C10orf143: variants seen among roughly 807,000 people sequenced by gnomAD.
The protein encoded by C10orf143 is uncharacterized protein C10orf143.
Position 130,110,820 on chromosome 10 carries a change from C to G in C10orf143, c.-48G>C, listed in dbSNP as rs1398872620. 7 of 398,856 alleles carry G rather than the reference C, an allele frequency of 1.8e-5. No homozygotes were observed. The highest frequency in any genetic ancestry group is 1.4e-4 in the African/African-American group (7 of 48,742). 24.7% of individuals were successfully genotyped at this position (398,856 alleles called of 1,614,324 possible). On this transcript the variant is annotated 5_prime_UTR_variant, in exon 1 of 4. Coordinates refer to ENST00000637128, the MANE Select transcript of C10orf143 (RefSeq NM_001355042.2). The stretch of plus-strand genomic sequence containing the variant: ...CCGGCATCTCAGGCCTGGCCGAGGC[C>G]CGCGCACCACGCCCCCTTCCGCACA...
chr10:130,045,317 A>C (rs936122576), intron 3 of C10orf143, among the ~76,000 whole-genome samples: 5 of 152,182 alleles, frequency 3.3e-5, no homozygotes, highest in Non-Finnish European at 7.3e-5. Context: ...CCTGAAATGC[A>C]TTTCCTTCCC....
At chr10:130,076,704 T>C (rs1861123832) in intron 3 of C10orf143, among the ~76,000 whole-genome samples, 1 of 152,192 alleles carries the variant, frequency 6.6e-6, no homozygotes, top group Admixed American at 6.5e-5. Context: ...CCCCTAAGGT[T>C]TCATTTAATT....
At chr10:130,084,512 G>A (rs1267262953) in intron 1 of C10orf143, among the ~76,000 whole-genome samples, 1 of 152,152 alleles carries the variant, frequency 6.6e-6, no homozygotes, top group Non-Finnish European at 1.5e-5. Flanking sequence ...CACTGTTTAA[G>A]AAATAAGCTA....
chr10:130,086,101 G>A (rs139630313), intron 1 of C10orf143, among the ~76,000 whole-genome samples: 1 of 152,148 alleles, frequency 6.6e-6, no homozygotes, highest in Non-Finnish European at 1.5e-5. Context: ...AATAAACCAC[G>A]CAAAATACTT....
At chr10:130,101,430 A>G (rs1035766713) in intron 1 of C10orf143, among the ~76,000 whole-genome samples, 1 of 152,136 alleles carries the variant, frequency 6.6e-6, no homozygotes, top group Non-Finnish European at 1.5e-5. Flanking sequence ...ACTGAGGAGC[A>G]GAGAGAGGGT....
intron 3 of C10orf143, among the ~76,000 whole-genome samples, chr10:130,041,813 G>GCGCA (rs1860609543): frequency 6.6e-6 from 1 of 150,594 alleles, no homozygotes; most frequent in African/African-American, 2.4e-5. Flanking sequence ...AATAAGCTCT[G>GCGCA]CACACACACA....
At position 130,073,441 on chromosome 10, in the gene C10orf143, T is replaced by C. The variant is rs79866780; in HGVS notation, c.297+6125A>G. Among the ~76,000 whole-genome samples, 504 of 152,292 alleles carry C rather than the reference T, an allele frequency of 3.3e-3. 6 individuals carry two copies. The highest frequency in any genetic ancestry group is 0.012 in the African/African-American group (479 of 41,562). On this transcript the variant is annotated intron_variant, in intron 3 of 3. Coordinates refer to ENST00000637128, the MANE Select transcript of C10orf143 (RefSeq NM_001355042.2). ...GATCCAAATTCTAGCTCCCACACCT[T>C]TGTTAGGCCAAAACCACATCTATCT...
At chr10:130,109,447 C>T (rs1861721513) in intron 1 of C10orf143, among the ~76,000 whole-genome samples, 2 of 152,238 alleles carry the variant, frequency 1.3e-5, no homozygotes, top group South Asian at 4.1e-4. Flanking sequence ...GGGCTCCACC[C>T]CACTGGACTG....
chr10:130,098,139 A>C (rs1227022427), intron 1 of C10orf143, among the ~76,000 whole-genome samples: 3 of 152,158 alleles, frequency 2.0e-5, no homozygotes, highest in Non-Finnish European at 4.4e-5. Flanking sequence ...CCTGGCCAAC[A>C]TAGGGAAACC....
chr10:130,102,426 C>T (rs546800145), intron 1 of C10orf143, among the ~76,000 whole-genome samples: 1 of 152,220 alleles, frequency 6.6e-6, no homozygotes, highest in South Asian at 2.1e-4. Context: ...GCGCCTGCCA[C>T]CACATCCAGC....
chr10:130,104,280 G>T (rs1261464439), intron 1 of C10orf143: 1 of 150,352 alleles, frequency 6.7e-6, no homozygotes, highest in Non-Finnish European at 1.5e-5. Flanking sequence ...TATGACACAT[G>T]TGACCACGCT....
intron 1 of C10orf143, among the ~76,000 whole-genome samples, chr10:130,086,807 A>T (rs1861298301): frequency 6.6e-6 from 1 of 152,258 alleles, no homozygotes; most frequent in Non-Finnish European, 1.5e-5. Context: ...CATGAATATG[A>T]ATGAGAACCT....
chr10:130,059,210 T>C (rs1175993396), downstream of C10orf143, among the ~76,000 whole-genome samples: 1 of 152,176 alleles, frequency 6.6e-6, no homozygotes, highest in Non-Finnish European at 1.5e-5. Context: ...GTAATGTAGA[T>C]GACCTTGGGG....
chr10:130,085,885 T>G (rs1392340076), intron 1 of C10orf143, among the ~76,000 whole-genome samples: 1 of 152,182 alleles, frequency 6.6e-6, no homozygotes. Flanking sequence ...TATTCTCCTT[T>G]GAGCAACATA....
intron 1 of C10orf143, 139 bp from the exon 2 acceptor site, chr10:130,080,040 C>T (rs1861181244): frequency 2.5e-6 from 1 of 397,382 alleles, no homozygotes; most frequent in South Asian, 1.4e-4. Flanking sequence ...GAGGAGATGA[C>T]TTTAAACTTT....
At chr10:130,044,041 AAGGGAGAGGGAGAG>A (rs900970627) in intron 3 of C10orf143, among the ~76,000 whole-genome samples, 8 of 148,718 alleles carry the variant, frequency 5.4e-5, no homozygotes, top group African/African-American at 2.0e-4. Context: ...GAGAGGGAGG[AAGGGAGAGGGAGAG>A]AGAGATGGTA....
At chr10:130,083,915 G>A (rs1034030318) in intron 1 of C10orf143, among the ~76,000 whole-genome samples, 1 of 152,176 alleles carries the variant, frequency 6.6e-6, no homozygotes. Flanking sequence ...CAAGACATAG[G>A]GGGAGAGGAA....
At chr10:130,060,651 A>G (rs192544813), downstream of C10orf143, among the ~76,000 whole-genome samples, 243 of 151,248 alleles carry the variant, frequency 1.6e-3, no homozygotes, top group Middle Eastern at 3.4e-3. Context: ...GTGAAACCCC[A>G]TCTCTACTAA....
chr10:130,102,525 C>T (rs1438625833), intron 1 of C10orf143, among the ~76,000 whole-genome samples: 1 of 152,182 alleles, frequency 6.6e-6, no homozygotes, highest in Non-Finnish European at 1.5e-5. Context: ...CCGCCCACCT[C>T]GGCCTCCCAA....
Sources: gnomAD v4.1 joint callset for allele counts (sites outside exome capture counted in the v4.1 genomes callset) on GRCh38, gnomAD v4.1.1 for gene constraint, MANE v1.5 for transcripts, NCBI Gene and HGNC (gene_info 2026-07-23, HGNC 2026-07-21) for gene names.